Variants in CLSTN2 observed in about 807,000 individuals in gnomAD.
CLSTN2 encodes calsyntenin 2.
CLSTN2 carries 48 observed loss-of-function variants against 101.2 expected under a neutral mutation model. The ratio of observed to expected loss-of-function variants is 0.47; its 90% CI spans 0.38 to 0.60. CLSTN2 has a LOEUF of 0.60. CLSTN2 is among the 20% of genes least tolerant of loss of function. The pLI is 0.00. For missense variants in CLSTN2, 1,160 were observed against 1,238.2 expected, an observed-to-expected ratio of 0.94 and a Z score of 0.95; for synonymous variants, 481 against 463.6, an observed-to-expected ratio of 1.04 and a Z score of -0.48.
chr3:140,348,841 A>C (rs2087578427), intron 2 of CLSTN2, among the ~76,000 whole-genome samples: 1 of 152,132 alleles, frequency 6.6e-6, no homozygotes, highest in African/African-American at 2.4e-5. Context: ...ATGCACAGAG[A>C]TGTTCTCTGT....
intron 1 of CLSTN2, among the ~76,000 whole-genome samples, chr3:140,023,130 C>A (rs370095021): frequency 6.6e-6 from 1 of 152,146 alleles, no homozygotes; most frequent in Non-Finnish European, 1.5e-5. Flanking sequence ...CCAGTGGGTT[C>A]GTTTCACTGA....
chr3:140,495,033 C>G lies in CLSTN2; in HGVS notation c.1344+28302C>G, dbSNP rs187432520. Reference sequence around the variant, plus strand: ...TTCTGCCTCTAGATTTTTGCAGAACCGCCACACTGTCTTCCACAATGGTTG... The same window carrying G: ...TTCTGCCTCTAGATTTTTGCAGAACGGCCACACTGTCTTCCACAATGGTTG... On this transcript the variant is annotated intron_variant, in intron 8 of 16. Transcript: ENST00000458420. Among the ~76,000 whole-genome samples the G allele has an allele frequency of 2.0e-3, 302 of 152,194 alleles. 2 individuals are homozygous for G. The highest frequency in any genetic ancestry group is 7.1e-3 in the African/African-American group (295 of 41,532).
intron 2 of CLSTN2, among the ~76,000 whole-genome samples, chr3:140,338,748 C>T (rs2087465780): frequency 1.3e-5 from 2 of 152,166 alleles, no homozygotes; most frequent in Admixed American, 6.5e-5. Context: ...TAGTGGAACA[C>T]ACATCTTGGA....
At chr3:139,944,301 G>T (rs1935182667) in intron 1 of CLSTN2, among the ~76,000 whole-genome samples, 1 of 152,164 alleles carries the variant, frequency 6.6e-6, no homozygotes, top group Non-Finnish European at 1.5e-5. Flanking sequence ...TCCAGCCCTG[G>T]ATGCAAAGTG....
intron 2 of CLSTN2, among the ~76,000 whole-genome samples, chr3:140,305,436 C>T (rs2087104292): frequency 6.6e-6 from 1 of 151,990 alleles, no homozygotes; most frequent in Non-Finnish European, 1.5e-5. Context: ...ATTTCAAATC[C>T]CTTATCTCCA....
At chr3:140,189,556 A>G (rs2010530812) in intron 2 of CLSTN2, among the ~76,000 whole-genome samples, 1 of 152,148 alleles carries the variant, frequency 6.6e-6, no homozygotes, top group Non-Finnish European at 1.5e-5. Flanking sequence ...CTTCCATGAA[A>G]TGTCTTTTGT....
intron 1 of CLSTN2, among the ~76,000 whole-genome samples, chr3:140,042,216 C>T (rs2007774270): frequency 6.6e-6 from 1 of 152,122 alleles, no homozygotes; most frequent in Non-Finnish European, 1.5e-5. Flanking sequence ...ATCCCTGTAC[C>T]CATCAGCAAC....
chr3:140,506,876 T>G (rs545653801), intron 8 of CLSTN2: 1 of 152,352 alleles, frequency 6.6e-6, no homozygotes, highest in Admixed American at 6.5e-5. Flanking sequence ...ATTAATTACA[T>G]GTTGAAATGA....
chr3:139,951,044 T>G (rs796207529), intron 1 of CLSTN2, among the ~76,000 whole-genome samples: 33 of 152,342 alleles, frequency 2.2e-4, no homozygotes, highest in African/African-American at 7.9e-4. Context: ...ATGGTTGTAT[T>G]CCTGGAAAGC....
In CLSTN2 at chr3:140,339,062, A is replaced by T. The variant is rs549078536; in HGVS notation, c.233-64567A>T. Among the ~76,000 whole-genome samples, 8 of 152,308 alleles carry T rather than the reference A, an allele frequency of 5.3e-5. No individual in the cohort carries two copies. The East Asian group carries it at 1.5e-3, about 29-fold the overall frequency. On this transcript the variant is annotated intron_variant, in intron 2 of 16. Coordinates refer to ENST00000458420, the MANE Select transcript of CLSTN2 (RefSeq NM_022131.3). ...CTGGGTGAAGCTGCCGTGTGCTGGC[A>T]GACGTGACCCACAGCCACACCATCT...
At chr3:140,556,809 A>C (rs1935805666) in intron 11 of CLSTN2, 148 bp downstream of exon 11, 1 of 707,504 alleles carries the variant, frequency 1.4e-6, no homozygotes, top group Non-Finnish European at 2.3e-6. Context: ...GGATGCCTCA[A>C]AGGATCTGTG....
intron 2 of CLSTN2, among the ~76,000 whole-genome samples, chr3:140,273,181 C>G (rs889327527): frequency 1.9e-4 from 29 of 152,006 alleles, no homozygotes; most frequent in African/African-American, 6.0e-4. Context: ...TAAAAACATT[C>G]ATTATCACAA....
chr3:140,436,003 C>A (rs1304616663), intron 5 of CLSTN2, among the ~76,000 whole-genome samples: 2 of 151,140 alleles, frequency 1.3e-5, no homozygotes, highest in African/African-American at 4.9e-5. Flanking sequence ...TGGCATAGAT[C>A]TTCTTCCATT....
intron 4 of CLSTN2, among the ~76,000 whole-genome samples, chr3:140,406,834 G>C (rs946716749): frequency 6.6e-6 from 1 of 152,266 alleles, no homozygotes; most frequent in Non-Finnish European, 1.5e-5. Context: ...TCCTGCCCTA[G>C]TTCTGAAGAG....
At chr3:140,263,677 A>T (rs1015746753) in intron 2 of CLSTN2, among the ~76,000 whole-genome samples, 6 of 152,212 alleles carry the variant, frequency 3.9e-5, no homozygotes, top group Non-Finnish European at 8.8e-5. Flanking sequence ...CTGCAGGTAA[A>T]TAAATGTCTT....
chr3:140,226,717 T>C (rs1008737370), intron 2 of CLSTN2, among the ~76,000 whole-genome samples: 15 of 152,334 alleles, frequency 9.8e-5, no homozygotes, highest in Middle Eastern at 3.4e-3. Flanking sequence ...TACCCAAGGC[T>C]GAGCAACTTA....
At chr3:139,979,614 C>T (rs945802852) in intron 1 of CLSTN2, among the ~76,000 whole-genome samples, 1 of 152,196 alleles carries the variant, frequency 6.6e-6, no homozygotes, top group African/African-American at 2.4e-5. Flanking sequence ...TATTATGTCT[C>T]AGTGGCCTCA....
intron 2 of CLSTN2, among the ~76,000 whole-genome samples, chr3:140,353,689 G>T (rs1275016441): frequency 1.3e-5 from 2 of 152,168 alleles, no homozygotes; most frequent in African/African-American, 2.4e-5. Flanking sequence ...AGGGATGATT[G>T]TATCTACCTC....
intron 1 of CLSTN2, among the ~76,000 whole-genome samples, chr3:140,055,165 A>G (rs2008075692): frequency 1.3e-5 from 2 of 152,118 alleles, no homozygotes; most frequent in African/African-American, 2.4e-5. Flanking sequence ...ATTCCATTTC[A>G]TCACCTGCTG....
Sources: allele counts gnomAD v4.1 joint callset (sites outside exome capture counted in the v4.1 genomes callset), GRCh38; gene constraint gnomAD v4.1.1; transcripts MANE v1.5; gene names NCBI Gene and HGNC (gene_info 2026-07-23, HGNC 2026-07-21).